Variants in BRD10 observed in about 807,000 individuals in gnomAD.
BRD10 encodes bromodomain containing 10.
chr9:5,892,239 C>T, the BRD10 span, among the ~76,000 whole-genome samples: 179 of 152,220 alleles, frequency 1.2e-3, 1 homozygote, highest in Non-Finnish European at 4.9e-4. Flanking sequence ...ACTTAATTTT[C>T]AGTTAGTAGG....
At chr9:5,899,788 A>G in the BRD10 span, among the ~76,000 whole-genome samples, 5 of 152,160 alleles carry the variant, frequency 3.3e-5, no homozygotes, top group Non-Finnish European at 5.9e-5. Context: ...ACTCATCTTC[A>G]TATCTCCAGT....
At chr9:6,007,603 G>A in the BRD10 span, 1 of 1,606,106 alleles carries the variant, frequency 6.2e-7, no homozygotes, top group South Asian at 1.1e-5. Context: ...GATCACCATC[G>A]CCTCCATCTC....
chr9:5,960,169 CT>C, the BRD10 span, among the ~76,000 whole-genome samples: 1 of 152,140 alleles, frequency 6.6e-6, no homozygotes, highest in Non-Finnish European at 1.5e-5. Flanking sequence ...TCACTGACCA[CT>C]TTTTAACTTA....
the BRD10 span, among the ~76,000 whole-genome samples, chr9:5,960,993 T>G: frequency 6.6e-6 from 1 of 152,194 alleles, no homozygotes; most frequent in East Asian, 1.9e-4. Context: ...CAAAAATACA[T>G]AGTCTTTGAA....
At chr9:5,977,268 C>T in the BRD10 span, among the ~76,000 whole-genome samples, 1 of 152,192 alleles carries the variant, frequency 6.6e-6, no homozygotes, top group African/African-American at 2.4e-5. Flanking sequence ...TGCTGTTCCT[C>T]ATACACTGTA....
chr9:5,984,604 G>C, the BRD10 span, among the ~76,000 whole-genome samples: 1 of 152,066 alleles, frequency 6.6e-6, no homozygotes, highest in Non-Finnish European at 1.5e-5. Context: ...TAATAGCACA[G>C]TTTCAAATTA....
chr9:6,007,729 G>A, the BRD10 span: 12 of 1,600,614 alleles, frequency 7.5e-6, no homozygotes, highest in South Asian at 8.9e-5. Flanking sequence ...GGCCGCCGGT[G>A]GCGGCCGCTC....
chr9:5,910,505 G>C, the BRD10 span: 1 of 152,126 alleles, frequency 6.6e-6, no homozygotes, highest in Non-Finnish European at 1.5e-5. Context: ...TCAGGCATTT[G>C]GGTACCTCCT....
chr9:5,975,909 G>T, the BRD10 span, among the ~76,000 whole-genome samples: 6 of 152,170 alleles, frequency 3.9e-5, no homozygotes, highest in Admixed American at 3.9e-4. Flanking sequence ...ATATGAGATG[G>T]ACGAGGCAGA....
At chr9:5,992,406 T>G in the BRD10 span, among the ~76,000 whole-genome samples, 1 of 152,196 alleles carries the variant, frequency 6.6e-6, no homozygotes, top group Non-Finnish European at 1.5e-5. Flanking sequence ...CGATTAAACA[T>G]GTTACTATCT....
the BRD10 span, among the ~76,000 whole-genome samples, chr9:5,894,944 T>G: frequency 3.9e-5 from 6 of 152,208 alleles, no homozygotes; most frequent in Non-Finnish European, 8.8e-5. The surrounding 1 kb of genome is among the most constrained non-coding windows in gnomAD (Gnocchi z 4.0). Context: ...ACCCCTTGAC[T>G]GAAGGCACAA....
chr9:5,926,020 C>G, the BRD10 span, among the ~76,000 whole-genome samples: 6 of 152,260 alleles, frequency 3.9e-5, no homozygotes, highest in East Asian at 7.7e-4. Flanking sequence ...CAGGTTCAAG[C>G]AGTTCTCCTG....
At chr9:6,004,088 T>A in the BRD10 span, among the ~76,000 whole-genome samples, 3 of 152,164 alleles carry the variant, frequency 2.0e-5, no homozygotes, top group Non-Finnish European at 4.4e-5. Context: ...AGTAGTAATA[T>A]TCAACTCCTT....
the BRD10 span, among the ~76,000 whole-genome samples, chr9:5,905,899 C>T: frequency 2.0e-5 from 3 of 152,208 alleles, no homozygotes; most frequent in Admixed American, 6.5e-5. Flanking sequence ...CAGAATAAAC[C>T]TCTTTAAAAT....
At chr9:5,969,612 C>G in the BRD10 span, among the ~76,000 whole-genome samples, 2 of 152,158 alleles carry the variant, frequency 1.3e-5, no homozygotes, top group African/African-American at 4.8e-5. Flanking sequence ...GATGCAATCT[C>G]AGCTCACTGC....
chr9:6,003,296 A>G, the BRD10 span, among the ~76,000 whole-genome samples: 1 of 152,236 alleles, frequency 6.6e-6, no homozygotes, highest in Non-Finnish European at 1.5e-5. Flanking sequence ...CTACATGGCA[A>G]TATTCTTAAA....
the BRD10 span, among the ~76,000 whole-genome samples, chr9:5,937,329 G>C: frequency 1.2e-3 from 181 of 152,104 alleles, 4 homozygotes; most frequent in South Asian, 0.035. Context: ...CTGAGGTCAG[G>C]GGTTCGAGAC....
At chr9:5,882,550 C>T in the BRD10 span, among the ~76,000 whole-genome samples, 2 of 152,196 alleles carry the variant, frequency 1.3e-5, no homozygotes, top group African/African-American at 2.4e-5. Context: ...CCATCACAAC[C>T]TTACACAAAA....
chr9:5,997,333 A>G, the BRD10 span, among the ~76,000 whole-genome samples: 1 of 152,184 alleles, frequency 6.6e-6, no homozygotes, highest in Non-Finnish European at 1.5e-5. Flanking sequence ...GTTTTCTTGC[A>G]TATTTCTTAT....
Sources: gnomAD v4.1 joint callset for allele counts (sites outside exome capture counted in the v4.1 genomes callset) on GRCh38, gnomAD v4.1.1 for gene constraint, Gnocchi (gnomAD v3.1) non-coding constraint, MANE v1.5 for transcripts, NCBI Gene and HGNC (gene_info 2026-07-23, HGNC 2026-07-21) for gene names.